Variants in NBAS observed in about 807,000 individuals in gnomAD.
The protein encoded by NBAS is NAG/BC035112 fusion.
NBAS carries 219 observed loss-of-function variants against 302.5 expected under a neutral mutation model. The observed-to-expected ratio is 0.72, with a 90% confidence interval of 0.65 to 0.81. NBAS has a LOEUF of 0.81. Among genes scored for constraint, NBAS ranks in the 30% least tolerant of loss-of-function variants. NBAS has a pLI of 0.00. For missense variants in NBAS, 2,932 were observed against 2,841.6 expected (o/e 1.03, Z -0.72); for synonymous variants, 1,118 against 1,021.6 (o/e 1.09, Z -1.80).
At chr2:15,412,994 T>C (rs997024650) in intron 25 of NBAS, among the ~76,000 whole-genome samples, 3 of 152,186 alleles carry the variant, frequency 2.0e-5, no homozygotes, top group Non-Finnish European at 4.4e-5. Context: ...CAACTGACAC[T>C]TACCAGTCAG....
At chr2:15,182,827 A>G (rs1438101799) in intron 50 of NBAS, among the ~76,000 whole-genome samples, 1 of 152,148 alleles carries the variant, frequency 6.6e-6, no homozygotes, top group Non-Finnish European at 1.5e-5. Context: ...GAAAACCATC[A>G]TGGCCATAAG....
At chr2:15,107,875 G>C in the NBAS span, among the ~76,000 whole-genome samples, 149 of 152,132 alleles carry the variant, frequency 9.8e-4, no homozygotes, top group African/African-American at 3.5e-3. Context: ...AGTTATTATT[G>C]ATCTACTTCT....
chr2:15,477,955 C>T (rs1173455855), intron 13 of NBAS, among the ~76,000 whole-genome samples: 3 of 152,178 alleles, frequency 2.0e-5, no homozygotes, highest in Non-Finnish European at 2.9e-5. Flanking sequence ...GAAGCTTGAT[C>T]TCACCCAAGG....
chr2:15,397,523 C>G, intron 26 of NBAS: 1 of 594,202 alleles, frequency 1.7e-6, no homozygotes, highest in South Asian at 1.5e-5. Flanking sequence ...TTCATGATAT[C>G]AATTCCTGAC....
intron 28 of NBAS, among the ~76,000 whole-genome samples, chr2:15,385,559 C>A (rs1488693835): frequency 6.6e-6 from 1 of 152,074 alleles, no homozygotes; most frequent in Admixed American, 6.5e-5. Context: ...AAGAGGTTTG[C>A]AAATTAACAG....
chr2:15,439,641 C>G (rs1034989887), intron 21 of NBAS, among the ~76,000 whole-genome samples: 2 of 152,072 alleles, frequency 1.3e-5, no homozygotes, highest in Non-Finnish European at 2.9e-5. Flanking sequence ...CTAGGGAGTG[C>G]CAGACAGTGG....
the NBAS span, chr2:14,886,776 G>C: frequency 6.6e-6 from 1 of 152,096 alleles, no homozygotes; most frequent in African/African-American, 2.4e-5. Flanking sequence ...AAAATGAAGT[G>C]GTGATGAGCG....
chr2:15,463,788 C>CAAAAAAAA (rs55808465), intron 19 of NBAS, among the ~76,000 whole-genome samples: 30 of 91,598 alleles, frequency 3.3e-4, no homozygotes, highest in Non-Finnish European at 4.2e-4. Context: ...GAACCAAATG[C>CAAAAAAAA]AAAAAAAAAA....
the NBAS span, among the ~76,000 whole-genome samples, chr2:14,795,005 A>G: frequency 6.6e-6 from 1 of 152,170 alleles, no homozygotes; most frequent in Non-Finnish European, 1.5e-5. Flanking sequence ...TCGCCTGTTA[A>G]TGAACATTTA....
the NBAS span, among the ~76,000 whole-genome samples, chr2:14,891,238 C>T: frequency 6.6e-6 from 1 of 152,052 alleles, no homozygotes; most frequent in Middle Eastern, 3.2e-3. Context: ...CACAGACAAA[C>T]CCAATTAGGA....
the NBAS span, among the ~76,000 whole-genome samples, chr2:14,892,920 A>G: frequency 3.3e-5 from 5 of 152,170 alleles, no homozygotes; most frequent in Non-Finnish European, 7.3e-5. Flanking sequence ...ACAGGATTAG[A>G]CCACATTTGC....
chr2:15,076,915 AC>A, the NBAS span, among the ~76,000 whole-genome samples: 1 of 152,242 alleles, frequency 6.6e-6, no homozygotes, highest in Non-Finnish European at 1.5e-5. Context: ...CAAGAATGAC[AC>A]TAAACAATCA....
the NBAS span, among the ~76,000 whole-genome samples, chr2:14,934,647 C>T: frequency 6.6e-6 from 1 of 152,118 alleles, no homozygotes; most frequent in African/African-American, 2.4e-5. Flanking sequence ...CTTTTTAATA[C>T]CCTATGTCAA....
the NBAS span, among the ~76,000 whole-genome samples, chr2:14,909,366 T>TAAAAAAAAGAAAAAAAAA: frequency 1.3e-5 from 1 of 78,582 alleles, no homozygotes; most frequent in African/African-American, 5.5e-5. Flanking sequence ...GGAGAGTTTC[T>TAAAAAAAAGAAAAAAAAA]AAAAAAAAAA....
chr2:14,814,935 T>A, the NBAS span, among the ~76,000 whole-genome samples: 12 of 152,170 alleles, frequency 7.9e-5, no homozygotes, highest in Non-Finnish European at 1.6e-4. Context: ...TAGTGCTGTC[T>A]TGTGATAGAG....
intron 38 of NBAS, among the ~76,000 whole-genome samples, chr2:15,324,598 G>A (rs984442170): frequency 9.9e-5 from 15 of 152,096 alleles, no homozygotes; most frequent in African/African-American, 3.6e-4. Flanking sequence ...CTCTGGGTTT[G>A]CCTATCATAG....
intron 51 of NBAS, among the ~76,000 whole-genome samples, chr2:15,171,595 G>A (rs1228688784): frequency 6.6e-6 from 1 of 151,982 alleles, no homozygotes; most frequent in Non-Finnish European, 1.5e-5. Flanking sequence ...CTTCTTCATC[G>A]AAATTATCGG....
Position 15,436,484 on chromosome 2 carries a change from A to G in NBAS, c.2340-8690T>C, listed in dbSNP as rs553221082. ...AATGACAGAAAAAATTATACTTTGG[A>G]AACCAAGTTATACAAAGGCAGTAGG... On this transcript the variant is annotated intron_variant, in intron 21 of 51. Coordinates refer to ENST00000281513, the MANE Select transcript of NBAS (RefSeq NM_015909.4). Among the ~76,000 whole-genome samples, 9 of 152,328 alleles carry G rather than the reference A, an allele frequency of 5.9e-5. No individual in the cohort carries two copies. The East Asian group carries it at 1.5e-3, about 26-fold the overall frequency.
At chr2:15,175,112 A>G (rs1160294752) in intron 51 of NBAS, among the ~76,000 whole-genome samples, 1 of 152,012 alleles carries the variant, frequency 6.6e-6, no homozygotes, top group East Asian at 1.9e-4. Flanking sequence ...GACTACAGGC[A>G]CCCACCACCA....
Sources: allele counts gnomAD v4.1 joint callset (sites outside exome capture counted in the v4.1 genomes callset), GRCh38; gene constraint gnomAD v4.1.1; transcripts MANE v1.5; gene names NCBI Gene and HGNC (gene_info 2026-07-23, HGNC 2026-07-21).